Variants in CRB1 observed in about 807,000 individuals in gnomAD.
CRB1 encodes the protein protein crumbs homolog 1.
A neutral mutation model predicts 120.0 loss-of-function variants in CRB1; 83 were observed. The observed-to-expected ratio is 0.69, with a 90% CI of 0.58 to 0.83. CRB1 has a LOEUF of 0.83. Ranked by LOEUF, CRB1 falls within the 40% of genes least tolerant of loss-of-function variation. The probability of loss-of-function intolerance (pLI) is 0.00; values close to 1 mark genes in which losing one functional copy is unlikely to be tolerated. For synonymous variants in CRB1, 625 were observed against 612.5 expected (o/e 1.02, Z -0.30); for missense variants, 1,699 against 1,687.6 (o/e 1.01, Z -0.12).
the CRB1 span, among the ~76,000 whole-genome samples, chr1:197,261,504 T>A: frequency 2.0e-4 from 30 of 152,310 alleles, no homozygotes; most frequent in African/African-American, 6.7e-4. Flanking sequence ...ACATAGAGTA[T>A]CATACTGTTA....
Position 197,442,428 on chromosome 1 carries a change from G to C in CRB1, c.4005+136G>C, listed in dbSNP as rs115646117. The C allele has an allele frequency of 1.1e-3, 1,756 of 1,589,984 alleles. 2 individuals are homozygous for C. The highest frequency in any genetic ancestry group is 1.4e-3 in the Non-Finnish European group (1,642 of 1,175,346). ...ACAGGAAGATTATTAACATACATTT[G>C]AACATTCCCAAATGAAAAAAAAAGC... On this transcript the variant is annotated intron_variant, in intron 11 of 11. Coordinates refer to ENST00000367400, the MANE Select transcript of CRB1 (RefSeq NM_201253.3).
At chr1:197,235,756 A>AT in the CRB1 span, among the ~76,000 whole-genome samples, 25 of 152,332 alleles carry the variant, frequency 1.6e-4, no homozygotes, top group East Asian at 2.7e-3. Flanking sequence ...GAGTGAGCTG[A>AT]TATAAGAAAC....
the CRB1 span, among the ~76,000 whole-genome samples, chr1:197,254,402 T>C: frequency 2.0e-5 from 3 of 152,130 alleles, no homozygotes; most frequent in African/African-American, 7.2e-5. Flanking sequence ...TTGAAATTAA[T>C]GTTGATGTCA....
At chr1:197,412,320 T>C (rs1571501700) in intron 5 of CRB1, among the ~76,000 whole-genome samples, 1 of 152,268 alleles carries the variant, frequency 6.6e-6, no homozygotes, top group Non-Finnish European at 1.5e-5. Flanking sequence ...ACTAGCATGC[T>C]CCAAGCATTT....
the CRB1 span, among the ~76,000 whole-genome samples, chr1:197,232,742 C>A: frequency 6.6e-6 from 1 of 152,098 alleles, no homozygotes; most frequent in Admixed American, 6.5e-5. Flanking sequence ...AACAGTTCAT[C>A]TAATACTATC....
chr1:197,294,397 A>T (rs191371076), intron 1 of CRB1, among the ~76,000 whole-genome samples: 2 of 151,034 alleles, frequency 1.3e-5, no homozygotes, highest in Admixed American at 1.3e-4. Flanking sequence ...AATGGCGATC[A>T]TCAGGAAATA....
intron 1 of CRB1, among the ~76,000 whole-genome samples, chr1:197,281,825 T>C (rs892249077): frequency 1.3e-5 from 2 of 151,764 alleles, no homozygotes; most frequent in African/African-American, 4.8e-5. Flanking sequence ...GCACGGAAAA[T>C]ATAGGATGAA....
At position 197,478,045 on chromosome 1, in the gene CRB1, C is replaced by T. The variant is rs548807439; in HGVS notation, c.*166C>T. The T allele has an allele frequency of 3.6e-5, 26 of 723,370 alleles. 1 individual carries two copies. The highest frequency in any genetic ancestry group is 2.9e-4 in the South Asian group (18 of 62,470). The allele number at this position is 723,370 out of a possible 1,614,324, so 44.8% of individuals were successfully genotyped here. On this transcript the variant is annotated 3_prime_UTR_variant, in exon 12 of 12. Transcript: ENST00000367400. ...TAAAAACTTTCACAGTGGTTCCGCTCGACACCATTGTTTTATTATATTATA... is the reference window on the plus strand; with the variant it reads ...TAAAAACTTTCACAGTGGTTCCGCTTGACACCATTGTTTTATTATATTATA...
At chr1:197,253,472 A>G in the CRB1 span, among the ~76,000 whole-genome samples, 2 of 152,100 alleles carry the variant, frequency 1.3e-5, no homozygotes, top group Non-Finnish European at 2.9e-5. Context: ...TGTTTATACC[A>G]ATTTTAATAT....
intron 11 of CRB1, 156 bp downstream of exon 11, chr1:197,442,448 A>T: frequency 6.4e-7 from 1 of 1,557,240 alleles, no homozygotes. Flanking sequence ...AAATGAAAAA[A>T]AAAGCCATTG....
chr1:197,282,621 A>C (rs913408175), intron 1 of CRB1, among the ~76,000 whole-genome samples: 3 of 151,970 alleles, frequency 2.0e-5, no homozygotes, highest in Non-Finnish European at 4.4e-5. Context: ...AAAGTAAATT[A>C]AAGCAATTTA....
chr1:197,473,201 GA>G (rs1467248500), intron 11 of CRB1, among the ~76,000 whole-genome samples: 20 of 152,260 alleles, frequency 1.3e-4, no homozygotes, highest in Non-Finnish European at 2.4e-4. Context: ...AACAAGTATC[GA>G]AATTGGATTC....
intron 1 of CRB1, among the ~76,000 whole-genome samples, chr1:197,274,954 C>T (rs955600772): frequency 6.6e-6 from 1 of 151,940 alleles, no homozygotes; most frequent in Non-Finnish European, 1.5e-5. Flanking sequence ...GCTCTGGAGG[C>T]TAGAAGTCTG....
chr1:197,281,007 T>C (rs1185977344), intron 1 of CRB1, among the ~76,000 whole-genome samples: 2 of 151,936 alleles, frequency 1.3e-5, no homozygotes, highest in East Asian at 1.9e-4. Context: ...GATGCTATGA[T>C]TTCACTGTTC....
chr1:197,380,363 A>G (rs1661888695), intron 5 of CRB1, among the ~76,000 whole-genome samples: 1 of 152,144 alleles, frequency 6.6e-6, no homozygotes, highest in Admixed American at 6.5e-5. Flanking sequence ...AATTCTAATG[A>G]GGCCCTATAT....
intron 5 of CRB1, among the ~76,000 whole-genome samples, chr1:197,395,144 T>C (rs1662709168): frequency 6.6e-6 from 1 of 152,140 alleles, no homozygotes; most frequent in African/African-American, 2.4e-5. Flanking sequence ...CAGCTGCTAA[T>C]GGATGTCTCC....
chr1:197,225,529 C>G, the CRB1 span, among the ~76,000 whole-genome samples: 2 of 152,208 alleles, frequency 1.3e-5, no homozygotes, highest in Admixed American at 6.5e-5. Flanking sequence ...CAGCCTCCCT[C>G]TCAGATATTA....
intron 1 of CRB1, among the ~76,000 whole-genome samples, chr1:197,295,974 A>C (rs958816187): frequency 4.9e-5 from 4 of 81,532 alleles, no homozygotes; most frequent in Non-Finnish European, 1.0e-4. Flanking sequence ...TCTAAGATTT[A>C]AAAAAAAATT....
intron 5 of CRB1, among the ~76,000 whole-genome samples, chr1:197,397,356 C>T (rs551976835): frequency 6.6e-6 from 1 of 152,166 alleles, no homozygotes; most frequent in Admixed American, 6.5e-5. Context: ...AACTCTGATG[C>T]TTTGGTGGCA....
Sources: allele counts gnomAD v4.1 joint callset (sites outside exome capture counted in the v4.1 genomes callset), GRCh38; gene constraint gnomAD v4.1.1; transcripts MANE v1.5; gene names NCBI Gene and HGNC (gene_info 2026-07-23, HGNC 2026-07-21).